CPEB1: variants seen among roughly 807,000 people sequenced by gnomAD.
The protein encoded by CPEB1 is cytoplasmic polyadenylation element-binding protein 1.
CPEB1 carries 7 observed loss-of-function variants against 65.8 expected under a neutral mutation model. The observed-to-expected ratio is 0.11, with a 90% confidence interval of 0.06 to 0.20. CPEB1 has a LOEUF of 0.20. Among genes scored for constraint, CPEB1 ranks in the 10% least tolerant of loss-of-function variants. The probability of loss-of-function intolerance (pLI) is 1.00; values close to 1 mark genes in which losing one functional copy is unlikely to be tolerated. For missense variants in CPEB1, 551 were observed against 712.2 expected, an observed-to-expected ratio of 0.77 and a Z score of 2.58; for synonymous variants, 262 against 260.0, an observed-to-expected ratio of 1.01 and a Z score of -0.08.
chr15:82,618,502 A>G (rs1346510408), intron 3 of CPEB1, among the ~76,000 whole-genome samples: 1 of 152,188 alleles, frequency 6.6e-6, no homozygotes, highest in East Asian at 1.9e-4. Flanking sequence ...AAATCTCTCC[A>G]TATATCCTCT....
intron 3 of CPEB1, among the ~76,000 whole-genome samples, chr15:82,588,615 C>T (rs997245895): frequency 2.0e-5 from 3 of 152,096 alleles, no homozygotes; most frequent in Non-Finnish European, 4.4e-5. Flanking sequence ...TTTATTTCTT[C>T]TACAAATAAG....
chr15:82,646,190 G>A (rs985924641), intron 1 of CPEB1, among the ~76,000 whole-genome samples: 1 of 152,178 alleles, frequency 6.6e-6, no homozygotes, highest in Non-Finnish European at 1.5e-5. Context: ...GAGCCTCAGG[G>A]TGCAAACTGT....
Position 82,612,519 on chromosome 15 carries a change from A to G in CPEB1, c.271+14674T>C, listed in dbSNP as rs916900096. Among the ~76,000 whole-genome samples, 10 of 151,628 alleles carry G rather than the reference A, an allele frequency of 6.6e-5. No individual in the cohort carries two copies. In the South Asian group the frequency reaches 1.9e-3, roughly 28 times the overall value. On this transcript the variant is annotated intron_variant, in intron 3 of 12. Coordinates refer to ENST00000684509, the MANE Select transcript of CPEB1 (RefSeq NM_001365242.1). ...CCAAAAAAAAAAAAACAAAAAAAAA[A>G]ACACAGAAATTTGAATAATTGTATT...
upstream of CPEB1, chr15:82,647,945 C>T: frequency 8.5e-7 from 1 of 1,169,694 alleles, no homozygotes; most frequent in Non-Finnish European, 1.1e-6. Context: ...CGCACGTGGG[C>T]ACTATTTTTG....
At chr15:82,556,878 T>C (rs1209882256) in intron 5 of CPEB1, among the ~76,000 whole-genome samples, 1 of 152,194 alleles carries the variant, frequency 6.6e-6, no homozygotes, top group Non-Finnish European at 1.5e-5. Flanking sequence ...AACTTCCATA[T>C]TCTAGGACAG....
chr15:82,587,945 A>G (rs1412606669), intron 3 of CPEB1, among the ~76,000 whole-genome samples: 1 of 152,068 alleles, frequency 6.6e-6, no homozygotes, highest in Admixed American at 6.6e-5. Flanking sequence ...GTTTTGAGAC[A>G]GGCTCTGGCT....
chr15:82,566,400 T>TA (rs2039128115), intron 4 of CPEB1, among the ~76,000 whole-genome samples: 2 of 152,202 alleles, frequency 1.3e-5, no homozygotes, highest in Admixed American at 1.3e-4. Flanking sequence ...TCCTTGGTTC[T>TA]AGGTTGCTTA....
intron 3 of CPEB1, among the ~76,000 whole-genome samples, chr15:82,613,803 T>TC (rs138782668): frequency 0.22 from 33,158 of 151,108 alleles, 3,844 homozygotes; most frequent in African/African-American, 0.26. Context: ...GGAAACAAGC[T>TC]CCCCCCGGGG....
chr15:82,619,800 C>T (rs1487600660), intron 3 of CPEB1, among the ~76,000 whole-genome samples: 1 of 152,056 alleles, frequency 6.6e-6, no homozygotes, highest in Non-Finnish European at 1.5e-5. Context: ...GGATATGAAA[C>T]AACCCAAACC....
At chr15:82,623,440 G>A (rs527255086) in intron 3 of CPEB1, among the ~76,000 whole-genome samples, 94 of 152,344 alleles carry the variant, frequency 6.2e-4, no homozygotes, top group African/African-American at 2.2e-3. Flanking sequence ...CAGTTTGGGA[G>A]GCCAAGGCAG....
At chr15:82,623,297 G>A (rs2045478845) in intron 3 of CPEB1, among the ~76,000 whole-genome samples, 3 of 152,210 alleles carry the variant, frequency 2.0e-5, no homozygotes, top group Admixed American at 1.3e-4. Context: ...AACTAGCAAT[G>A]TGAAACACTG....
At chr15:82,574,733 A>G (rs1253059431) in intron 3 of CPEB1, among the ~76,000 whole-genome samples, 1 of 141,392 alleles carries the variant, frequency 7.1e-6, no homozygotes, top group Non-Finnish European at 1.5e-5. Flanking sequence ...AAAAAAAAAA[A>G]AAAAAAAAAA....
chr15:82,613,355 G>A (rs1339071870), intron 3 of CPEB1, among the ~76,000 whole-genome samples: 1 of 152,118 alleles, frequency 6.6e-6, no homozygotes, highest in Non-Finnish European at 1.5e-5. Context: ...TAACATTCAT[G>A]ATTTTATGTT....
Position 82,544,708 on chromosome 15 carries a change from T to A in CPEB1, c.1657-6A>T, listed in dbSNP as rs1270129745. 7 of 1,609,802 alleles carry A rather than the reference T, an allele frequency of 4.3e-6. No individual in the cohort carries two copies. In the African/African-American group the frequency reaches 9.3e-5, roughly 21 times the overall value. On this transcript the variant is annotated splice_region_variant and splice_polypyrimidine_tract_variant and intron_variant, in intron 12 of 12. Transcript: ENST00000684509. ...CAGAAGTATTTGAAGCAGACCTGGGTTGGGGGAACAAAAAGGAGGATGCCA... is the reference window on the plus strand; with the variant it reads ...CAGAAGTATTTGAAGCAGACCTGGGATGGGGGAACAAAAAGGAGGATGCCA...
rs587631653 is a variant in CPEB1, at chr15:82,645,095, C to T, written c.-98+2042G>A. 3.3e-5 allele frequency among the ~76,000 whole-genome samples: 5 copies of T among 152,364 alleles called. No individual in the cohort carries two copies. The East Asian group carries it at 9.7e-4, about 29-fold the overall frequency. On this transcript the variant is annotated intron_variant, in intron 1 of 12. Transcript: ENST00000684509. ...AGGCTGGCACAACCTCCCTCCCACA[C>T]ATGGGAGCCTAGACCAGGGAGTTGT...
intron 3 of CPEB1, among the ~76,000 whole-genome samples, chr15:82,596,022 T>G (rs1596080167): frequency 6.6e-6 from 1 of 152,320 alleles, no homozygotes; most frequent in Admixed American, 6.5e-5. Context: ...AAATCTGTAC[T>G]GCAGATAATT....
intron 3 of CPEB1, among the ~76,000 whole-genome samples, chr15:82,578,924 GA>G (rs756436712): frequency 3.9e-5 from 6 of 152,128 alleles, no homozygotes; most frequent in Non-Finnish European, 8.8e-5. Context: ...CCTAGGCTCA[GA>G]AAATTCTCCT....
intron 3 of CPEB1, among the ~76,000 whole-genome samples, chr15:82,616,016 A>G (rs1308298567): frequency 6.6e-6 from 1 of 152,160 alleles, no homozygotes; most frequent in African/African-American, 2.4e-5. Context: ...CTACAAAGCA[A>G]TTAAAATGTA....
intron 9 of CPEB1, among the ~76,000 whole-genome samples, chr15:82,551,508 C>CA (rs1458876492): frequency 6.6e-6 from 1 of 152,128 alleles, no homozygotes; most frequent in Non-Finnish European, 1.5e-5. Context: ...ATGTATCCAC[C>CA]ATATACAGAA....
Sources: gnomAD v4.1 joint callset for allele counts (sites outside exome capture counted in the v4.1 genomes callset) on GRCh38, gnomAD v4.1.1 for gene constraint, MANE v1.5 for transcripts, NCBI Gene and HGNC (gene_info 2026-07-23, HGNC 2026-07-21) for gene names.